AGAP1: variants seen among roughly 807,000 people sequenced by gnomAD.
The protein encoded by AGAP1 is arf-GAP with GTPase, ANK repeat and PH domain-containing protein 1.
Under a neutral mutation model 105.3 loss-of-function variants are expected in AGAP1, and 29 were observed. The ratio of observed to expected loss-of-function variants is 0.28; its 90% CI spans 0.21 to 0.38. The LOEUF (loss-of-function observed/expected upper bound fraction) is 0.38, where lower values mean the gene tolerates loss of function less well. Among genes scored for constraint, AGAP1 ranks in the 10% least tolerant of loss-of-function variants. The probability of loss-of-function intolerance (pLI) is 1.00; values close to 1 mark genes in which losing one functional copy is unlikely to be tolerated. For missense variants in AGAP1, 998 were observed against 1,165.1 expected (o/e 0.86, Z 2.09); for synonymous variants, 509 against 485.9 (o/e 1.05, Z -0.63).
rs67504072 is a variant in AGAP1 at position 235,946,108 on chromosome 2, T to TA, written c.1483+15196dup. On this transcript the variant is annotated intron_variant, in intron 12 of 17. Coordinates refer to ENST00000304032, the MANE Select transcript of AGAP1 (RefSeq NM_001037131.3). ...CCAAATTATGCATTTTTCCCCTAAT[T>TA]AAAAAAAAAAATACATTGTAGAAAC... 7.9e-4 allele frequency among the ~76,000 whole-genome samples: 116 copies of TA among 146,352 alleles called. 1 individual carries two copies. Among genetic ancestry groups the TA allele is most frequent in the East Asian group, 2.6e-3 (13 of 4,990 alleles).
Position 235,965,668 on chromosome 2 carries a change from G to A in AGAP1, c.1484-2794G>A, listed in dbSNP as rs569560164. 1.3e-5 allele frequency among the ~76,000 whole-genome samples: 2 copies of A among 152,294 alleles called. No homozygotes were observed. The highest frequency in any genetic ancestry group is 2.1e-4 in the South Asian group (1 of 4,824). ...AGCGGATTGCTTAAGAGTCCTGAAC[G>A]CATTGCTGAAGGTAGAGCCTGGAAT... On this transcript the variant is annotated intron_variant, in intron 12 of 17. Coordinates refer to ENST00000304032, the MANE Select transcript of AGAP1 (RefSeq NM_001037131.3). The surrounding 1 kb of genome is among the most constrained non-coding windows in gnomAD (Gnocchi z 5.8).
chr2:235,639,572 G>A lies in AGAP1; in HGVS notation c.164-69607G>A, dbSNP rs906296544. Among the ~76,000 whole-genome samples the A allele has an allele frequency of 2.0e-5, 3 of 152,138 alleles. No homozygotes were observed. The highest frequency in any genetic ancestry group is 4.8e-5 in the African/African-American group (2 of 41,438). Reference sequence around the variant, plus strand: ...CTCATGGTGGGTGGGACTTGTCGCCGTCATGCACTCAGCACTCTCTGGCCT... The same window carrying A: ...CTCATGGTGGGTGGGACTTGTCGCCATCATGCACTCAGCACTCTCTGGCCT... On this transcript the variant is annotated intron_variant, in intron 1 of 17. Coordinates refer to ENST00000304032, the MANE Select transcript of AGAP1 (RefSeq NM_001037131.3). This position sits in a 1 kb window ranked among gnomAD's most constrained non-coding sequence, Gnocchi z 5.3.
Position 235,660,642 on chromosome 2 carries a change from G to C in AGAP1, c.164-48537G>C, listed in dbSNP as rs1249032694. On this transcript the variant is annotated intron_variant, in intron 1 of 17. Coordinates refer to ENST00000304032, the MANE Select transcript of AGAP1 (RefSeq NM_001037131.3). The surrounding 1 kb of genome is among the most constrained non-coding windows in gnomAD (Gnocchi z 5.3). The stretch of plus-strand genomic sequence containing the variant: ...GATGTGTAGAGTTGAGCTCCATCCT[G>C]CTGATCCCAGCAGGAGATAGTGGCG... Among the ~76,000 whole-genome samples, 2 of 152,094 alleles carry C rather than the reference G, an allele frequency of 1.3e-5. No individual in the cohort carries two copies. Among genetic ancestry groups the C allele is most frequent in the Non-Finnish European group, 2.9e-5 (2 of 68,000 alleles).
intron 16 of AGAP1, among the ~76,000 whole-genome samples, chr2:236,097,090 A>G (rs1455312976): frequency 6.6e-6 from 1 of 152,152 alleles, no homozygotes; most frequent in African/African-American, 2.4e-5. Flanking sequence ...TCCTCCTGCA[A>G]AGTCCATCAA....
At position 235,906,666 on chromosome 2, in the gene AGAP1, C is replaced by T. The variant is rs915184465; in HGVS notation, c.1156-2072C>T. ...TTGCGGGAAGGTCTACATTGTCACA[C>T]CCCAGGCTCACCCACCTGACCATGG... On this transcript the variant is annotated intron_variant, in intron 10 of 17. Coordinates refer to ENST00000304032, the MANE Select transcript of AGAP1 (RefSeq NM_001037131.3). This position sits in a 1 kb window ranked among gnomAD's most constrained non-coding sequence, Gnocchi z 5.3. Among the ~76,000 whole-genome samples, 1 of 150,460 alleles carries T rather than the reference C, an allele frequency of 6.6e-6. No homozygotes were observed. The highest frequency in any genetic ancestry group is 1.5e-5 in the Non-Finnish European group (1 of 68,036).
intron 13 of AGAP1, among the ~76,000 whole-genome samples, chr2:236,024,137 TCTC>T (rs202225229): frequency 0.19 from 28,756 of 150,786 alleles, 2,955 homozygotes; most frequent in South Asian, 0.27. Context: ...TTCAAGCAGT[TCTC>T]CTGCCTCAGC....
chr2:236,029,286 T>C (rs1173477221), intron 13 of AGAP1, among the ~76,000 whole-genome samples: 1 of 152,010 alleles, frequency 6.6e-6, no homozygotes, highest in Admixed American at 6.6e-5. Flanking sequence ...TTTTTTCTTT[T>C]TTTTTTTGAG....
intron 1 of AGAP1, among the ~76,000 whole-genome samples, chr2:235,617,719 T>C (rs1021527101): frequency 6.6e-6 from 1 of 152,052 alleles, no homozygotes; most frequent in African/African-American, 2.4e-5. Flanking sequence ...CAAAAGAACA[T>C]TTGTTTTTGA....
intron 1 of AGAP1, among the ~76,000 whole-genome samples, chr2:235,579,692 C>T (rs1016521702): frequency 1.3e-5 from 2 of 151,708 alleles, no homozygotes; most frequent in Non-Finnish European, 2.9e-5. Flanking sequence ...AGGAGAATGG[C>T]GTGAACCCAG....
chr2:236,007,877 G>C (rs530037902), intron 13 of AGAP1, among the ~76,000 whole-genome samples: 100 of 152,364 alleles, frequency 6.6e-4, no homozygotes, highest in Admixed American at 1.4e-3. Context: ...AGAAGGGGCA[G>C]AAGTCAGGGG....
chr2:235,828,822 G>A (rs112047821), intron 9 of AGAP1, among the ~76,000 whole-genome samples: 161 of 152,288 alleles, frequency 1.1e-3, no homozygotes, highest in African/African-American at 3.7e-3. Flanking sequence ...AAGATAATGG[G>A]TGTCATTTTG....
intron 1 of AGAP1, among the ~76,000 whole-genome samples, chr2:235,671,785 T>C (rs1042810100): frequency 2.6e-5 from 4 of 152,352 alleles, no homozygotes; most frequent in Middle Eastern, 3.4e-3. Context: ...CTGTGTTCCC[T>C]TAAGTCCTCA....
intron 12 of AGAP1, among the ~76,000 whole-genome samples, chr2:235,933,824 C>A (rs1445989204): frequency 6.6e-6 from 1 of 152,190 alleles, no homozygotes; most frequent in Non-Finnish European, 1.5e-5. Flanking sequence ...AGCCACCGCG[C>A]CCGGCCTTTC....
At chr2:235,996,606 C>A (rs564516918) in intron 13 of AGAP1, among the ~76,000 whole-genome samples, 18 of 152,292 alleles carry the variant, frequency 1.2e-4, no homozygotes, top group Admixed American at 9.8e-4. Flanking sequence ...CAGCTGGCTG[C>A]CCCCGGGGAC....
In AGAP1 at chr2:235,709,836, C is replaced by A. The variant is rs560405754; in HGVS notation, c.222+599C>A. On this transcript the variant is annotated intron_variant, in intron 2 of 17. Coordinates refer to ENST00000304032, the MANE Select transcript of AGAP1 (RefSeq NM_001037131.3). ...TCGCAGCCACCCTTTCCAGCCGCTCCCCTCTACCGTAGGATGGAAGGAAGG... is the reference window on the plus strand; with the variant it reads ...TCGCAGCCACCCTTTCCAGCCGCTCACCTCTACCGTAGGATGGAAGGAAGG... Among the ~76,000 whole-genome samples the A allele has an allele frequency of 3.5e-3, 535 of 152,282 alleles. 3 individuals are homozygous for A. The highest frequency in any genetic ancestry group is 6.5e-3 in the Non-Finnish European group (444 of 68,022).
chr2:235,687,899 C>T (rs1367918272), intron 1 of AGAP1, among the ~76,000 whole-genome samples: 14 of 89,642 alleles, frequency 1.6e-4, no homozygotes, highest in East Asian at 3.6e-4. Flanking sequence ...CGCTCTCTGA[C>T]TTTTTTTTTT....
At position 236,058,913 on chromosome 2, in the gene AGAP1, C is replaced by G. The variant is rs759694364; in HGVS notation, c.2114+9632C>G. On this transcript the variant is annotated intron_variant, in intron 16 of 17. Transcript: ENST00000304032. The surrounding 1 kb of genome is among the most constrained non-coding windows in gnomAD (Gnocchi z 4.6). ...GCCATGGTGGCACAGTTCTGTAGTCCCAGCTACTCAAGAGGCTCAGGCAGG... is the reference window on the plus strand; with the variant it reads ...GCCATGGTGGCACAGTTCTGTAGTCGCAGCTACTCAAGAGGCTCAGGCAGG... Among the ~76,000 whole-genome samples the G allele has an allele frequency of 1.3e-5, 2 of 152,100 alleles. No individual in the cohort carries two copies. The highest frequency in any genetic ancestry group is 2.9e-5 in the Non-Finnish European group (2 of 68,022).
intron 6 of AGAP1, among the ~76,000 whole-genome samples, chr2:235,773,169 T>C (rs1299529894): frequency 6.6e-6 from 1 of 152,202 alleles, no homozygotes; most frequent in Non-Finnish European, 1.5e-5. Context: ...AAGAACCCAG[T>C]AACAGAATTT....
At position 236,126,381 on chromosome 2, in the gene AGAP1, T is replaced by G. The variant is rs960876209; in HGVS notation, c.*2259T>G. The G allele has an allele frequency of 6.6e-6, 1 of 152,212 alleles. No individual in the cohort carries two copies. The highest frequency in any genetic ancestry group is 1.5e-5 in the Non-Finnish European group (1 of 68,046). 9.4% of individuals were successfully genotyped at this position (152,212 alleles called of 1,614,324 possible). A position where few individuals can be genotyped will look rare whatever the true frequency, so the allele number is the denominator to read the frequency against. On this transcript the variant is annotated 3_prime_UTR_variant, in exon 18 of 18. Coordinates refer to ENST00000304032, the MANE Select transcript of AGAP1 (RefSeq NM_001037131.3). Reference sequence around the variant, plus strand: ...GTAGACTCTGTAGTGGACACAGATATAGCATAAATGAAATTGTTAAATTAT... The same window carrying G: ...GTAGACTCTGTAGTGGACACAGATAGAGCATAAATGAAATTGTTAAATTAT...
Sources: allele counts gnomAD v4.1 joint callset (sites outside exome capture counted in the v4.1 genomes callset), GRCh38; gene constraint gnomAD v4.1.1; non-coding constraint Gnocchi (gnomAD v3.1); transcripts MANE v1.5; gene names NCBI Gene and HGNC (gene_info 2026-07-23, HGNC 2026-07-21).